Variants in NDUFAF2 observed in about 807,000 individuals in gnomAD.
NDUFAF2 encodes the protein NADH:ubiquinone oxidoreductase complex assembly factor 2, also known as NADH dehydrogenase [ubiquinone] 1 alpha subcomplex assembly factor 2.
Under a neutral mutation model 22.8 loss-of-function variants are expected in NDUFAF2, and 13 were observed. The observed-to-expected ratio is 0.57, with a 90% CI of 0.37 to 0.91. NDUFAF2 has a LOEUF of 0.91. Ranked by LOEUF, NDUFAF2 falls within the 40% of genes least tolerant of loss-of-function variation. The pLI is 0.01. For synonymous variants in NDUFAF2, 53 were observed against 64.2 expected (o/e 0.83, Z 0.84); for missense variants, 162 against 195.2 (o/e 0.83, Z 1.01).
At chr5:61,033,215 G>C (rs1476007181) in intron 1 of NDUFAF2, among the ~76,000 whole-genome samples, 1 of 152,002 alleles carries the variant, frequency 6.6e-6, no homozygotes, top group Non-Finnish European at 1.5e-5. Context: ...GTCTATTATT[G>C]GTGTATAGGA....
chr5:61,027,997 T>C (rs1322111156), intron 1 of NDUFAF2, among the ~76,000 whole-genome samples: 1 of 152,014 alleles, frequency 6.6e-6, no homozygotes, highest in South Asian at 2.1e-4. Context: ...TCCACCTTCA[T>C]GGAGTTTGCC....
chr5:61,033,289 A>G (rs1399236469), intron 1 of NDUFAF2, among the ~76,000 whole-genome samples: 1 of 152,284 alleles, frequency 6.6e-6, no homozygotes, highest in South Asian at 2.1e-4. Flanking sequence ...GGGCTTACAT[A>G]GGTTTTATTT....
At position 61,152,895 on chromosome 5, in the gene NDUFAF2, T is replaced by A. The variant is rs1197241233; in HGVS notation, c.450T>A (p.Thr150=). The A allele has an allele frequency of 1.9e-6, 3 of 1,613,226 alleles. No homozygotes were observed. The change falls in exon 4 of 4, where the codon ACT becomes ACA. Residue 150 remains threonine (T), a synonymous_variant. Coordinates refer to ENST00000296597, the MANE Select transcript of NDUFAF2 (RefSeq NM_174889.5). ...AACCCTCAGTGGCTCCCAGCAGCACTGGTAAAACCTTTCAGCCAGGATCCT... is the reference window on the plus strand; with the variant it reads ...AACCCTCAGTGGCTCCCAGCAGCACAGGTAAAACCTTTCAGCCAGGATCCT... ...KEEPSVAPSS[T]GKTFQPGSWM...
chr5:60,997,750 CTGTGCTTGGATTCCCTCCAT>C (rs974431209), intron 1 of NDUFAF2, among the ~76,000 whole-genome samples: 4 of 152,192 alleles, frequency 2.6e-5, no homozygotes, highest in African/African-American at 4.8e-5. Context: ...CTTCACTTCA[CTGTGCTTGGATTCCCTCCAT>C]TGTGCTTGGA....
intron 2 of NDUFAF2, among the ~76,000 whole-genome samples, chr5:61,088,505 G>A (rs11957772): frequency 0.6 from 91,238 of 151,774 alleles, 28,170 homozygotes; most frequent in East Asian, 0.94. Context: ...GAAATGTTCT[G>A]TCTGTTGATT....
At chr5:61,101,088 C>A (rs1486984776) in intron 3 of NDUFAF2, among the ~76,000 whole-genome samples, 1 of 152,080 alleles carries the variant, frequency 6.6e-6, no homozygotes, top group African/African-American at 2.4e-5. Context: ...CTTTTACACT[C>A]TTCAAATCCA....
chr5:61,093,470 G>C (rs200788606), intron 2 of NDUFAF2, among the ~76,000 whole-genome samples: 1 of 152,166 alleles, frequency 6.6e-6, no homozygotes, highest in East Asian at 1.9e-4. Flanking sequence ...AACATGAAGG[G>C]ATGCTGATTT....
At chr5:61,007,018 C>G (rs879428549) in intron 1 of NDUFAF2, among the ~76,000 whole-genome samples, 2 of 151,904 alleles carry the variant, frequency 1.3e-5, no homozygotes, top group Non-Finnish European at 2.9e-5. Context: ...GGATATTAGC[C>G]CTTTATCAGA....
At chr5:61,033,596 G>A (rs895363727) in intron 1 of NDUFAF2, among the ~76,000 whole-genome samples, 6 of 152,106 alleles carry the variant, frequency 3.9e-5, no homozygotes, top group African/African-American at 1.4e-4. Flanking sequence ...TGATAAGATT[G>A]AAAATATGTA....
intron 3 of NDUFAF2, among the ~76,000 whole-genome samples, chr5:61,129,381 T>G (rs962379906): frequency 1.3e-5 from 2 of 152,046 alleles, no homozygotes; most frequent in African/African-American, 4.8e-5. Context: ...AACAAAGACT[T>G]GGAACCAACC....
intron 1 of NDUFAF2, among the ~76,000 whole-genome samples, chr5:61,021,858 G>C (rs1751587760): frequency 6.6e-6 from 1 of 152,166 alleles, no homozygotes; most frequent in African/African-American, 2.4e-5. Context: ...GTGAGAGTGA[G>C]ATTTATTGTA....
intron 3 of NDUFAF2, among the ~76,000 whole-genome samples, chr5:61,107,046 TAC>T (rs59521177): frequency 0.036 from 4,424 of 123,964 alleles, 148 homozygotes; most frequent in African/African-American, 0.08. Flanking sequence ...TGGATAAATA[TAC>T]ACACACACAC....
intron 1 of NDUFAF2, among the ~76,000 whole-genome samples, chr5:60,980,189 C>CA (rs1343187137): frequency 6.6e-6 from 1 of 152,162 alleles, no homozygotes; most frequent in East Asian, 1.9e-4. Context: ...ATGATGAGTA[C>CA]AAACAAGTCT....
At chr5:60,965,214 T>C (rs1750738788) in intron 1 of NDUFAF2, among the ~76,000 whole-genome samples, 1 of 152,186 alleles carries the variant, frequency 6.6e-6, no homozygotes, top group Admixed American at 6.5e-5. Context: ...TGACTTGACA[T>C]AGCTGAGAAC....
At chr5:61,131,233 T>C (rs1283216420) in intron 3 of NDUFAF2, among the ~76,000 whole-genome samples, 1 of 151,776 alleles carries the variant, frequency 6.6e-6, no homozygotes, top group Non-Finnish European at 1.5e-5. Flanking sequence ...TCTCACTTTC[T>C]TTCCCAGGCT....
At chr5:61,112,219 C>CTTT (rs56806779) in intron 3 of NDUFAF2, among the ~76,000 whole-genome samples, 1 of 132,144 alleles carries the variant, frequency 7.6e-6, no homozygotes, top group Non-Finnish European at 1.6e-5. Flanking sequence ...ATCCCCCCCC[C>CTTT]TTTTTTTTTT....
intron 3 of NDUFAF2, among the ~76,000 whole-genome samples, chr5:61,125,210 A>T (rs962118112): frequency 2.6e-5 from 4 of 151,930 alleles, no homozygotes; most frequent in Admixed American, 6.6e-5. Context: ...ACTGTATTCA[A>T]TTTTTTAATG....
chr5:61,025,778 TG>T (rs1257568107), intron 1 of NDUFAF2, among the ~76,000 whole-genome samples: 1 of 152,070 alleles, frequency 6.6e-6, no homozygotes, highest in Non-Finnish European at 1.5e-5. Flanking sequence ...CTTATTGCAT[TG>T]TTTACCACTA....
At chr5:61,135,062 T>G (rs1329553697) in intron 3 of NDUFAF2, among the ~76,000 whole-genome samples, 1 of 150,018 alleles carries the variant, frequency 6.7e-6, no homozygotes, top group African/African-American at 2.5e-5. Context: ...GCTTATAGCA[T>G]AAAAGAAATT....
Sources: gnomAD v4.1 joint callset for allele counts (sites outside exome capture counted in the v4.1 genomes callset) on GRCh38, gnomAD v4.1.1 for gene constraint, MANE v1.5 for transcripts, NCBI Gene and HGNC (gene_info 2026-07-23, HGNC 2026-07-21) for gene names.